RXRA: variants seen among roughly 807,000 people sequenced by gnomAD.
The protein encoded by RXRA is retinoid X receptor alpha, also known as retinoic acid receptor RXR-alpha.
Under a neutral mutation model 44.5 loss-of-function variants are expected in RXRA, and 5 were observed. The ratio of observed to expected loss-of-function variants is 0.11; its 90% CI spans 0.06 to 0.24. The LOEUF is 0.24. RXRA is among the 10% of genes least tolerant of loss of function. The pLI is 1.00. For synonymous variants in RXRA, 291 were observed against 271.4 expected, an observed-to-expected ratio of 1.07 and a Z score of -0.71; for missense variants, 412 against 646.5, an observed-to-expected ratio of 0.64 and a Z score of 3.93.
At chr9:134,428,358 ACTGT>A (rs1327292967) in intron 6 of RXRA, among the ~76,000 whole-genome samples, 3 of 132,224 alleles carry the variant, frequency 2.3e-5, no homozygotes, top group Non-Finnish European at 4.8e-5. Context: ...CTGTTACCTA[ACTGT>A]CTGCCCCCCA....
chr9:134,382,167 T>G lies in RXRA; in HGVS notation c.29-19465T>G, dbSNP rs146664111. On this transcript the variant is annotated intron_variant, in intron 1 of 9. Transcript: ENST00000481739. The stretch of plus-strand genomic sequence containing the variant: ...GTGGGCTGAGCCAAGGTGTAGATGC[T>G]GGGAGGTAAGGTTACCCTCCCCCTG... 6.4e-3 allele frequency among the ~76,000 whole-genome samples: 971 copies of G among 151,462 alleles called. 26 individuals carry two copies. Among genetic ancestry groups the G allele is most frequent in the Non-Finnish European group, 8.0e-3 (545 of 67,782 alleles).
At chr9:134,382,221 T>C (rs551570829) in intron 1 of RXRA, among the ~76,000 whole-genome samples, 2 of 152,164 alleles carry the variant, frequency 1.3e-5, no homozygotes, top group East Asian at 3.9e-4. Flanking sequence ...CGCCTGCTGC[T>C]GCCCCTGTGG....
At chr9:134,341,339 C>T (rs1830084317) in intron 1 of RXRA, among the ~76,000 whole-genome samples, 1 of 152,144 alleles carries the variant, frequency 6.6e-6, no homozygotes, top group Non-Finnish European at 1.5e-5. Flanking sequence ...CCACTTCCAG[C>T]CTGGGGTTCT....
intron 6 of RXRA, chr9:134,425,553 TGGGG>T: frequency 7.2e-6 from 1 of 138,294 alleles, no homozygotes; most frequent in Non-Finnish European, 8.7e-6. Context: ...GGGTGGGGGG[TGGGG>T]GGGGGTGAGG....
Position 134,350,078 on chromosome 9 carries a change from G to C in RXRA, c.28+23419G>C, listed in dbSNP as rs571776555. The stretch of plus-strand genomic sequence containing the variant: ...GCCAGATGGCTGTGTGTGTGTGTAG[G>C]GGGGGGTGGAAGGTGGGGGTACAGC... On this transcript the variant is annotated intron_variant, in intron 1 of 9. Transcript: ENST00000481739. Among the ~76,000 whole-genome samples the C allele has an allele frequency of 5.3e-4, 81 of 151,436 alleles. 1 individual carries two copies. Among genetic ancestry groups the C allele is most frequent in the South Asian group, 1.9e-3 (9 of 4,820 alleles).
intron 1 of RXRA, among the ~76,000 whole-genome samples, chr9:134,398,544 A>G (rs996199522): frequency 6.6e-6 from 1 of 152,104 alleles, no homozygotes; most frequent in African/African-American, 2.4e-5. Context: ...GAGTCTGTGT[A>G]AACAGGAAGG....
chr9:134,367,409 A>G (rs553488926), intron 1 of RXRA, among the ~76,000 whole-genome samples: 40 of 152,240 alleles, frequency 2.6e-4, no homozygotes, highest in Non-Finnish European at 5.0e-4. Context: ...TGGGAAGAGA[A>G]GGACACTGAG....
chr9:134,435,048 T>C (rs1321505547), intron 9 of RXRA, among the ~76,000 whole-genome samples: 1 of 152,212 alleles, frequency 6.6e-6, no homozygotes, highest in African/African-American at 2.4e-5. Context: ...TTTTCCTGGC[T>C]TTCTGCCCTG....
chr9:134,425,202 G>A, intron 6 of RXRA: 1 of 985,468 alleles, frequency 1.0e-6, no homozygotes, highest in Non-Finnish European at 1.2e-6. Flanking sequence ...CAGCCAGGCT[G>A]TGGGAGGTTG....
intron 1 of RXRA, among the ~76,000 whole-genome samples, chr9:134,386,375 C>G (rs1037603845): frequency 1.3e-5 from 2 of 152,224 alleles, no homozygotes; most frequent in African/African-American, 2.4e-5. Flanking sequence ...GGCGGGGGAC[C>G]GCAGGTGGCT....
rs1158453429 is a variant in RXRA, at chr9:134,408,167, C to A, written c.298C>A (p.Pro100Thr). The A allele has an allele frequency of 1.3e-6, 2 of 1,582,802 alleles. No individual in the cohort carries two copies. The highest frequency in any genetic ancestry group is 2.3e-5 in the East Asian group (1 of 44,278). The change falls in exon 3 of 10, where the codon CCC (proline) becomes ACC (threonine). Residue 100 changes from proline (P) to threonine (T), a missense_variant. Coordinates refer to ENST00000481739, the MANE Select transcript of RXRA (RefSeq NM_002957.6). ...GSPQLSSPMN[P>T]VSSSEDIKPP... ...CCCCCAGCTCAGCTCACCTATGAACCCCGTCAGCAGCAGCGAGGACATCAA... is the reference window on the plus strand; with the variant it reads ...CCCCCAGCTCAGCTCACCTATGAACACCGTCAGCAGCAGCGAGGACATCAA...
At chr9:134,408,394 A>T in intron 3 of RXRA, 95 bp downstream of exon 3, 1 of 1,353,132 alleles carries the variant, frequency 7.4e-7, no homozygotes, top group Non-Finnish European at 9.9e-7. Context: ...CTGTGGGCCA[A>T]GCAGGACCCA....
At chr9:134,334,530 G>A (rs1219357606) in intron 1 of RXRA, among the ~76,000 whole-genome samples, 8 of 152,268 alleles carry the variant, frequency 5.3e-5, no homozygotes, top group Admixed American at 4.6e-4. Context: ...ATGGGCTGTG[G>A]CGGTGGCAGT....
At chr9:134,340,669 G>C (rs1347203195) in intron 1 of RXRA, among the ~76,000 whole-genome samples, 1 of 152,216 alleles carries the variant, frequency 6.6e-6, no homozygotes, top group Non-Finnish European at 1.5e-5. Flanking sequence ...CTGCCTTCTT[G>C]AGCAATGCCA....
chr9:134,364,387 C>T (rs1830389150), intron 1 of RXRA, among the ~76,000 whole-genome samples: 1 of 152,222 alleles, frequency 6.6e-6, no homozygotes, highest in Admixed American at 6.5e-5. Flanking sequence ...GGCAGCTGAC[C>T]CTCAGATGCC....
At chr9:134,398,494 T>G (rs1262137054) in intron 1 of RXRA, among the ~76,000 whole-genome samples, 4 of 152,152 alleles carry the variant, frequency 2.6e-5, no homozygotes. Context: ...ACACCCAGCC[T>G]ATTGTCACCC....
intron 4 of RXRA, among the ~76,000 whole-genome samples, chr9:134,409,643 C>T (rs546145279): frequency 8.5e-5 from 13 of 152,226 alleles, no homozygotes; most frequent in Non-Finnish European, 1.5e-4. Flanking sequence ...AGACCTGGGT[C>T]GGAGTCCCGG....
In RXRA at chr9:134,349,552, G is replaced by T. The variant is rs1830195943; in HGVS notation, c.28+22893G>T. Among the ~76,000 whole-genome samples the T allele has an allele frequency of 6.6e-6, 1 of 152,182 alleles. No homozygotes were observed. The highest frequency in any genetic ancestry group is 2.4e-5 in the African/African-American group (1 of 41,436). ...GGCGGGCAGGAGTGTGCACGGACAG[G>T]GACCCAGCAACTTGGCGAGCATGGG... On this transcript the variant is annotated intron_variant, in intron 1 of 9. Transcript: ENST00000481739. The surrounding 1 kb of genome is among the most constrained non-coding windows in gnomAD (Gnocchi z 4.3).
chr9:134,399,010 T>A (rs1368196024), intron 1 of RXRA, among the ~76,000 whole-genome samples: 1 of 152,246 alleles, frequency 6.6e-6, no homozygotes, highest in Non-Finnish European at 1.5e-5. Flanking sequence ...TGGATTGGCT[T>A]GGATAAGGAG....
Sources: allele counts gnomAD v4.1 joint callset (sites outside exome capture counted in the v4.1 genomes callset), GRCh38; gene constraint gnomAD v4.1.1; non-coding constraint Gnocchi (gnomAD v3.1); transcripts MANE v1.5; gene names NCBI Gene and HGNC (gene_info 2026-07-23, HGNC 2026-07-21).